Variants in PCDHA13 observed in about 807,000 individuals in gnomAD.
The protein encoded by PCDHA13 is protocadherin alpha-13.
A neutral mutation model predicts 64.8 loss-of-function variants in PCDHA13; 54 were observed. That is an observed-to-expected ratio of 0.83 (90% CI 0.67 to 1.04). The LOEUF (loss-of-function observed/expected upper bound fraction) is 1.04, where lower values mean the gene tolerates loss of function less well. Ranked by LOEUF, PCDHA13 falls within the 50% of genes least tolerant of loss-of-function variation. PCDHA13 has a pLI of 0.00. For missense variants in PCDHA13, 1,248 were observed against 1,254.3 expected (o/e 0.99, Z 0.08); for synonymous variants, 587 against 564.4 (o/e 1.04, Z -0.57).
intron 1 of PCDHA13, among the ~76,000 whole-genome samples, chr5:140,885,515 A>G (rs537252415): frequency 6.6e-6 from 1 of 152,294 alleles, no homozygotes; most frequent in South Asian, 2.1e-4. Context: ...ATGCTGTGCT[A>G]TCATTTCATA....
At position 140,883,299 on chromosome 5, in the gene PCDHA13, A is replaced by G. The variant is rs200799645; in HGVS notation, c.1031A>G (p.Asn344Ser). 1.4e-5 allele frequency: 22 copies of G among 1,614,110 alleles called. No homozygotes were observed. In the African/African-American group the frequency reaches 2.9e-4, roughly 22 times the overall value. Residue 344 changes from asparagine (N) to serine (S), a missense_variant, in exon 1 of 4, where the codon AAT becomes AGT. Asn to Ser is a conservative substitution (Grantham distance 46). Coordinates refer to ENST00000289272, the MANE Select transcript of PCDHA13 (RefSeq NM_018904.3). ...CTTTTGGTGGAAGTACTAGATGTAA[A>G]TGATAACGCCCCAGAGGTTACCATC... The part of the protein sequence containing the change: ...CTLLVEVLDV[N>S]DNAPEVTITS...
At chr5:140,911,539 C>T (rs1554194791) in intron 1 of PCDHA13, among the ~76,000 whole-genome samples, 1 of 152,194 alleles carries the variant, frequency 6.6e-6, no homozygotes, top group African/African-American at 2.4e-5. Context: ...ATTAGAATCC[C>T]TAAGTTCATC....
intron 1 of PCDHA13, among the ~76,000 whole-genome samples, chr5:140,918,322 A>G (rs538027862): frequency 1.1e-4 from 16 of 152,220 alleles, no homozygotes; most frequent in African/African-American, 2.6e-4. Context: ...GTATAAAATT[A>G]TATTGTCTGC....
Position 140,883,225 on chromosome 5 carries a change from C to T in PCDHA13, c.957C>T (p.Ser319=). The T allele has an allele frequency of 6.2e-7, 1 of 1,613,914 alleles. No homozygotes were observed. The highest frequency in any genetic ancestry group is 2.2e-5 in the East Asian group (1 of 44,884). Reference sequence around the variant, plus strand: ...AAGAAAAGAAATTATATGAAATATCCGTGGAGGCAGTTGACAAAGGAAATA... The same window carrying T: ...AAGAAAAGAAATTATATGAAATATCTGTGGAGGCAGTTGACAAAGGAAATA... ...DFEEKKLYEI[S]VEAVDKGNIP... is the part of the protein sequence containing the mutation. Residue 319 remains serine (S), a synonymous_variant, in exon 1 of 4, where the codon TCC becomes TCT. Transcript: ENST00000289272.
At chr5:140,943,386 A>G (rs1245126281) in intron 1 of PCDHA13, among the ~76,000 whole-genome samples, 2 of 152,154 alleles carry the variant, frequency 1.3e-5, no homozygotes, top group African/African-American at 4.8e-5. Flanking sequence ...CAGGTAAGAA[A>G]TTATGGATAT....
At chr5:140,941,797 A>G (rs1425454318) in intron 1 of PCDHA13, among the ~76,000 whole-genome samples, 1 of 152,224 alleles carries the variant, frequency 6.6e-6, no homozygotes, top group African/African-American at 2.4e-5. Flanking sequence ...AAGAATATTT[A>G]GTTGATTTCA....
rs1314333890 is a variant in PCDHA13, at chr5:141,000,908, T to TA, written c.2543-8708dup. ...GGGCAACAGATATAGACGCTGTCTCTAAAAAAAAAAATCCTGTGTGATTTA... is the reference window on the plus strand; with the variant it reads ...GGGCAACAGATATAGACGCTGTCTCTAAAAAAAAAAAATCCTGTGTGATTTA... On this transcript the variant is annotated intron_variant, in intron 3 of 3. Coordinates refer to ENST00000289272, the MANE Select transcript of PCDHA13 (RefSeq NM_018904.3). Among the ~76,000 whole-genome samples the TA allele has an allele frequency of 4.2e-4, 62 of 147,094 alleles. 1 individual carries two copies. Among genetic ancestry groups the TA allele is most frequent in the South Asian group, 3.0e-3 (14 of 4,626 alleles).
At chr5:140,943,234 G>A (rs1161111493) in intron 1 of PCDHA13, among the ~76,000 whole-genome samples, 3 of 145,508 alleles carry the variant, frequency 2.1e-5, no homozygotes, top group Non-Finnish European at 4.5e-5. Context: ...CTCCAGCCTG[G>A]GTCACAGAGT....
rs782547925 is a variant in PCDHA13, at chr5:140,967,973, G to A, written c.2395-10976G>A. 4 of 1,614,170 alleles carry A rather than the reference G, an allele frequency of 2.5e-6. No individual in the cohort carries two copies. In the African/African-American group the frequency reaches 4.0e-5, roughly 16 times the overall value. On this transcript the variant is annotated intron_variant, in intron 1 of 3. Coordinates refer to ENST00000289272, the MANE Select transcript of PCDHA13 (RefSeq NM_018904.3). ...AGGCCCCAACCGGAAAGTGAGCCTG[G>A]GTCTGGAGGCCACACTGCCTTTCCG... is the stretch of plus-strand genomic sequence containing the variant.
At chr5:140,959,548 A>G (rs1554224134) in intron 1 of PCDHA13, among the ~76,000 whole-genome samples, 2 of 152,194 alleles carry the variant, frequency 1.3e-5, no homozygotes, top group Non-Finnish European at 2.9e-5. Flanking sequence ...ATGCTGTATA[A>G]ATAGAATCAG....
chr5:140,885,924 TTATC>T lies in PCDHA13; in HGVS notation c.2394+1266_2394+1269del, dbSNP rs554293197. Among the ~76,000 whole-genome samples the T allele has an allele frequency of 1.1e-3, 168 of 152,304 alleles. 1 individual carries two copies. The highest frequency in any genetic ancestry group is 9.9e-3 in the South Asian group (48 of 4,826). ...TCTGTACCTTATAGATATTAACTGT[TTATC>T]TATTTTTTGACATTTTTAATTAAAA... On this transcript the variant is annotated intron_variant, in intron 1 of 3. Coordinates refer to ENST00000289272, the MANE Select transcript of PCDHA13 (RefSeq NM_018904.3).
chr5:140,981,744 G>C (rs1586900543), intron 2 of PCDHA13, among the ~76,000 whole-genome samples: 1 of 151,900 alleles, frequency 6.6e-6, no homozygotes, highest in Admixed American at 6.6e-5. Context: ...ATTAATATGA[G>C]TTAGTATTAG....
At chr5:140,999,215 C>T (rs1290752092) in intron 3 of PCDHA13, among the ~76,000 whole-genome samples, 1 of 152,140 alleles carries the variant, frequency 6.6e-6, no homozygotes, top group South Asian at 2.1e-4. Context: ...TCTGGAAGTA[C>T]TACATTTGAG....
chr5:140,910,381 TG>T (rs2075003327), intron 1 of PCDHA13, among the ~76,000 whole-genome samples: 1 of 152,188 alleles, frequency 6.6e-6, no homozygotes, highest in Admixed American at 6.5e-5. Context: ...ACCTTGCCTT[TG>T]ACAGTTGACT....
chr5:140,914,042 T>C (rs2076573370), intron 1 of PCDHA13, among the ~76,000 whole-genome samples: 1 of 152,222 alleles, frequency 6.6e-6, no homozygotes, highest in South Asian at 2.1e-4. Context: ...AGAATGTGTA[T>C]TCTGCAGCTG....
At chr5:140,926,771 A>G in intron 1 of PCDHA13, 3 of 1,372,492 alleles carry the variant, frequency 2.2e-6, no homozygotes, top group Admixed American at 3.2e-5. Context: ...TCCAGCCCGC[A>G]GCAGTGACGG....
intron 1 of PCDHA13, among the ~76,000 whole-genome samples, chr5:140,905,871 G>C (rs889363141): frequency 6.6e-6 from 1 of 152,078 alleles, no homozygotes; most frequent in African/African-American, 2.4e-5. Context: ...ACAATCACAA[G>C]GCCCAACAAT....
intron 1 of PCDHA13, among the ~76,000 whole-genome samples, chr5:140,890,396 A>C (rs1466548320): frequency 1.3e-5 from 2 of 152,134 alleles, no homozygotes; most frequent in African/African-American, 4.8e-5. Context: ...ATAATCTATA[A>C]ATTTTAACTT....
chr5:140,909,210 G>A (rs2074375008), intron 1 of PCDHA13, among the ~76,000 whole-genome samples: 1 of 152,186 alleles, frequency 6.6e-6, no homozygotes, highest in Non-Finnish European at 1.5e-5. Context: ...CCGGAGAGTT[G>A]ATATACCCCT....
Sources: gnomAD v4.1 joint callset for allele counts (sites outside exome capture counted in the v4.1 genomes callset) on GRCh38, gnomAD v4.1.1 for gene constraint, MANE v1.5 for transcripts, NCBI Gene and HGNC (gene_info 2026-07-23, HGNC 2026-07-21) for gene names.